Variants in SEMA3E observed in about 807,000 individuals in gnomAD.
SEMA3E encodes semaphorin 3E.
Under a neutral mutation model 93.6 loss-of-function variants are expected in SEMA3E, and 49 were observed. That is an observed-to-expected ratio of 0.52 (90% CI 0.42 to 0.66). SEMA3E has a LOEUF of 0.66. Among genes scored for constraint, SEMA3E ranks in the 30% least tolerant of loss-of-function variants. SEMA3E has a pLI of 0.00. For missense variants in SEMA3E, 906 were observed against 964.8 expected, an observed-to-expected ratio of 0.94 and a Z score of 0.81; for synonymous variants, 363 against 330.7, an observed-to-expected ratio of 1.10 and a Z score of -1.06.
At chr7:83,639,547 C>G (rs1186107827) in intron 1 of SEMA3E, among the ~76,000 whole-genome samples, 1 of 151,454 alleles carries the variant, frequency 6.6e-6, no homozygotes, top group Non-Finnish European at 1.5e-5. Flanking sequence ...AAGGGTCTTA[C>G]AAAAAATTAC....
chr7:83,532,840 C>T (rs568156668), intron 1 of SEMA3E, among the ~76,000 whole-genome samples: 6 of 151,796 alleles, frequency 4.0e-5, no homozygotes, highest in South Asian at 2.1e-4. Context: ...TATCTTGCTT[C>T]AACCATTTGT....
At chr7:83,391,139 T>C (rs1584214316) in intron 14 of SEMA3E, among the ~76,000 whole-genome samples, 1 of 152,196 alleles carries the variant, frequency 6.6e-6, no homozygotes, top group East Asian at 1.9e-4. Flanking sequence ...AAGCATTCTA[T>C]TTCTTTGTGC....
intron 1 of SEMA3E, among the ~76,000 whole-genome samples, chr7:83,528,998 G>T (rs543156906): frequency 6.6e-6 from 1 of 152,004 alleles, no homozygotes; most frequent in Non-Finnish European, 1.5e-5. Flanking sequence ...TCCAGACAAG[G>T]TCTGAGCTTA....
intron 1 of SEMA3E, among the ~76,000 whole-genome samples, chr7:83,506,586 T>C (rs897662940): frequency 3.3e-5 from 5 of 152,066 alleles, no homozygotes; most frequent in African/African-American, 1.2e-4. Flanking sequence ...GGGCAAGAAA[T>C]ATATTGATAA....
intron 1 of SEMA3E, among the ~76,000 whole-genome samples, chr7:83,543,084 A>T (rs1465055784): frequency 2.6e-5 from 4 of 152,076 alleles, no homozygotes; most frequent in Non-Finnish European, 5.9e-5. Context: ...ACCTACCTGT[A>T]GGACTGGTAT....
chr7:83,419,232 TC>T (rs1486426452), intron 4 of SEMA3E, among the ~76,000 whole-genome samples: 3 of 152,220 alleles, frequency 2.0e-5, no homozygotes, highest in Non-Finnish European at 4.4e-5. Flanking sequence ...ATGATTTCAT[TC>T]TTTTTTATGG....
intron 13 of SEMA3E, 132 bp from the exon 14 acceptor site, chr7:83,392,853 G>T: frequency 1.2e-6 from 1 of 865,898 alleles, no homozygotes; most frequent in Non-Finnish European, 1.9e-6. Context: ...TAAATTAGCA[G>T]TTTCAGGAGT....
chr7:83,381,621 C>A (rs559921677), intron 16 of SEMA3E, among the ~76,000 whole-genome samples: 8 of 151,992 alleles, frequency 5.3e-5, no homozygotes, highest in African/African-American at 1.9e-4. Flanking sequence ...CCACATTCTT[C>A]AGAATATAAG....
chr7:83,472,599 A>G (rs985953863), intron 2 of SEMA3E, among the ~76,000 whole-genome samples: 1 of 152,184 alleles, frequency 6.6e-6, no homozygotes, highest in African/African-American at 2.4e-5. Context: ...AGGGAGCACC[A>G]TCTGATGTAT....
intron 4 of SEMA3E, among the ~76,000 whole-genome samples, chr7:83,451,310 A>C (rs529675920): frequency 3.3e-5 from 5 of 152,264 alleles, no homozygotes; most frequent in African/African-American, 1.2e-4. Context: ...TCCTTTTATA[A>C]ACACTTTAAC....
chr7:83,619,062 G>A (rs1392931351), intron 1 of SEMA3E, among the ~76,000 whole-genome samples: 1 of 151,680 alleles, frequency 6.6e-6, no homozygotes, highest in Non-Finnish European at 1.5e-5. Flanking sequence ...AACTCCTTCT[G>A]TTAAAATCAT....
In SEMA3E at chr7:83,386,986, C is replaced by A. The variant is rs200779956; in HGVS notation, c.1732G>T (p.Val578Phe). 2.5e-6 allele frequency: 4 copies of A among 1,612,930 alleles called. No individual in the cohort carries two copies. Among genetic ancestry groups the A allele is most frequent in the Non-Finnish European group, 2.5e-6 (3 of 1,179,434 alleles). The change falls in exon 15 of 17, where the codon GTT (valine) becomes TTT (phenylalanine). Residue 578 changes from valine (V) to phenylalanine (F), a missense_variant. Val to Phe is a conservative substitution (Grantham distance 50). Coordinates refer to ENST00000643230, the MANE Select transcript of SEMA3E (RefSeq NM_012431.3). ...CAACTGATTTTCTATGGATTACCAA[C>A]AAACTGTTGTCCAAAGCACTGCTGA... ...AAQQCFGQQF[V>F]GDALDKTEEH...
intron 1 of SEMA3E, among the ~76,000 whole-genome samples, chr7:83,500,135 A>C (rs1378252294): frequency 6.6e-6 from 1 of 152,192 alleles, no homozygotes; most frequent in Non-Finnish European, 1.5e-5. Flanking sequence ...AACATTAGCC[A>C]CTTAAAACTT....
Position 83,557,992 on chromosome 7 carries a change from C to A in SEMA3E, c.116-67718G>T, listed in dbSNP as rs78737058. Among the ~76,000 whole-genome samples the A allele has an allele frequency of 7.0e-3, 1,067 of 152,184 alleles. 6 individuals are homozygous for A. Among genetic ancestry groups the A allele is most frequent in the African/African-American group, 0.025 (1,028 of 41,542 alleles). On this transcript the variant is annotated intron_variant, in intron 1 of 16. Coordinates refer to ENST00000643230, the MANE Select transcript of SEMA3E (RefSeq NM_012431.3). ...AATGGCTTTTCTATTTGAACATGAT[C>A]CAGAAGGATAAATGTTCCTTCTGTG...
chr7:83,611,190 G>T (rs1793246613), intron 1 of SEMA3E, among the ~76,000 whole-genome samples: 1 of 148,500 alleles, frequency 6.7e-6, no homozygotes, highest in South Asian at 2.1e-4. Context: ...CCTACTCAAG[G>T]AAATCAGCTC....
intron 1 of SEMA3E, among the ~76,000 whole-genome samples, chr7:83,539,160 T>C (rs1791466894): frequency 6.6e-6 from 1 of 152,192 alleles, no homozygotes; most frequent in Non-Finnish European, 1.5e-5. Context: ...AAATGATACA[T>C]TTAATCCTTT....
intron 5 of SEMA3E, among the ~76,000 whole-genome samples, chr7:83,413,223 TATATATTATCTG>T (rs1788479388): frequency 6.6e-6 from 1 of 152,204 alleles, no homozygotes; most frequent in Non-Finnish European, 1.5e-5. Context: ...GTTCATGGAC[TATATATTATCTG>T]AGTTTTTATT....
At chr7:83,494,140 AG>A (rs1388294467) in intron 1 of SEMA3E, among the ~76,000 whole-genome samples, 20 of 151,880 alleles carry the variant, frequency 1.3e-4, no homozygotes, top group Non-Finnish European at 2.8e-4. Context: ...CTAGGGAGTA[AG>A]GGTAAGAGAA....
At chr7:83,607,122 C>T (rs925359006) in intron 1 of SEMA3E, among the ~76,000 whole-genome samples, 3 of 152,098 alleles carry the variant, frequency 2.0e-5, no homozygotes, top group Non-Finnish European at 4.4e-5. Context: ...TCCCACTGAG[C>T]GAATTTGTGT....
Sources: gnomAD v4.1 joint callset for allele counts (sites outside exome capture counted in the v4.1 genomes callset) on GRCh38, gnomAD v4.1.1 for gene constraint, MANE v1.5 for transcripts, NCBI Gene and HGNC (gene_info 2026-07-23, HGNC 2026-07-21) for gene names.